Variants in RCAN2 observed in about 807,000 individuals in gnomAD.
The protein encoded by RCAN2 is regulator of calcineurin 2.
A neutral mutation model predicts 23.6 loss-of-function variants in RCAN2; 9 were observed. That is an observed-to-expected ratio of 0.38 (90% CI 0.23 to 0.67). The LOEUF is 0.67. Ranked by LOEUF, RCAN2 falls within the 30% of genes least tolerant of loss-of-function variation. The pLI is 0.51. For missense variants in RCAN2, 273 were observed against 302.3 expected (o/e 0.90, Z 0.72); for synonymous variants, 109 against 115.7 (o/e 0.94, Z 0.37).
At chr6:46,348,443 T>C (rs1764552076) in intron 2 of RCAN2, among the ~76,000 whole-genome samples, 1 of 152,114 alleles carries the variant, frequency 6.6e-6, no homozygotes, top group Non-Finnish European at 1.5e-5. Flanking sequence ...TCCAAGCACA[T>C]TTTGAGGAGC....
At chr6:46,336,062 T>C (rs898731919) in intron 2 of RCAN2, among the ~76,000 whole-genome samples, 4 of 152,364 alleles carry the variant, frequency 2.6e-5, no homozygotes, top group African/African-American at 7.2e-5. Context: ...ATTTCTGCTA[T>C]ACAAACTTGT....
chr6:46,243,821 A>AAC (rs1412250913), intron 4 of RCAN2, among the ~76,000 whole-genome samples: 3 of 150,818 alleles, frequency 2.0e-5, no homozygotes, highest in African/African-American at 7.3e-5. Flanking sequence ...AAAAAAAAAA[A>AAC]AAAAAAAAAA....
At chr6:46,359,332 G>C (rs1162112152) in intron 2 of RCAN2, among the ~76,000 whole-genome samples, 1 of 152,196 alleles carries the variant, frequency 6.6e-6, no homozygotes, top group Admixed American at 6.5e-5. Context: ...CGACAGTTCC[G>C]GTGTGATACA....
intron 4 of RCAN2, among the ~76,000 whole-genome samples, chr6:46,227,139 A>C (rs953404880): frequency 2.0e-5 from 3 of 152,178 alleles, no homozygotes; most frequent in Non-Finnish European, 2.9e-5. Context: ...GATGAAGCCC[A>C]CTTGATCATG....
chr6:46,292,440 T>TTTTTTTTTTTTTG (rs1561845746), intron 2 of RCAN2, among the ~76,000 whole-genome samples: 1 of 137,384 alleles, frequency 7.3e-6, no homozygotes, highest in Non-Finnish European at 1.5e-5. Context: ...TTTTTTTTGT[T>TTTTTTTTTTTTTG]TTTTTTTTTG....
intron 2 of RCAN2, among the ~76,000 whole-genome samples, chr6:46,307,356 C>G (rs1053508174): frequency 6.6e-6 from 1 of 152,102 alleles, no homozygotes; most frequent in African/African-American, 2.4e-5. Flanking sequence ...CAAAGATCAG[C>G]TAAGCCTCTG....
At position 46,456,756 on chromosome 6, in the gene RCAN2, C is replaced by T; in HGVS notation, c.221G>A (p.Ser74Asn). Residue 74 changes from serine (S) to asparagine (N), a missense_variant, in exon 2 of 5, where the codon AGC (serine) becomes AAC (asparagine). Transcript: ENST00000371374. ...VHQSVFEGEE[S>N]KEKFEGLFRT... ...GAACAGAAAAAGGCAGCTTACCTTG[C>T]TCTCTTCTCCTTCAAACACTGACTG... is the stretch of plus-strand genomic sequence containing the variant. 1.3e-6 allele frequency: 2 copies of T among 1,549,320 alleles called. No individual in the cohort carries two copies. The highest frequency in any genetic ancestry group is 1.7e-6 in the Non-Finnish European group (2 of 1,145,550).
In RCAN2 at chr6:46,418,157, T is replaced by C. The variant is rs147601959; in HGVS notation, c.225+38595A>G. Among the ~76,000 whole-genome samples the C allele has an allele frequency of 3.5e-3, 536 of 152,306 alleles. 3 individuals are homozygous for C. The highest frequency in any genetic ancestry group is 0.012 in the African/African-American group (506 of 41,554). On this transcript the variant is annotated intron_variant, in intron 2 of 4. Transcript: ENST00000371374. ...GTAATATAACATTATCTTAACAAAA[T>C]ATCTTATACTTTAGGTATCTAACGT...
intron 4 of RCAN2, among the ~76,000 whole-genome samples, chr6:46,229,026 T>A (rs1199505588): frequency 6.6e-6 from 1 of 152,200 alleles, no homozygotes; most frequent in Admixed American, 6.5e-5. Context: ...CCTTCACTTA[T>A]GAAGCTTAGT....
intron 2 of RCAN2, among the ~76,000 whole-genome samples, chr6:46,251,699 C>A (rs1380766632): frequency 6.6e-6 from 1 of 152,116 alleles, no homozygotes; most frequent in African/African-American, 2.4e-5. Flanking sequence ...AGCAAAGAAT[C>A]AAGGACTCCA....
chr6:46,329,595 A>T (rs975570803), intron 2 of RCAN2, among the ~76,000 whole-genome samples: 1 of 152,102 alleles, frequency 6.6e-6, no homozygotes, highest in Non-Finnish European at 1.5e-5. Context: ...AAACCAATAG[A>T]GGTGCCTCCT....
intron 2 of RCAN2, among the ~76,000 whole-genome samples, chr6:46,332,610 T>A (rs1452789193): frequency 2.0e-5 from 3 of 152,174 alleles, no homozygotes; most frequent in Non-Finnish European, 4.4e-5. Context: ...ATTTCCAATT[T>A]CATCCATGTC....
chr6:46,445,551 A>G (rs1767681816), intron 2 of RCAN2, among the ~76,000 whole-genome samples: 1 of 152,242 alleles, frequency 6.6e-6, no homozygotes, highest in African/African-American at 2.4e-5. Context: ...GGGAAACGTG[A>G]CAGCATCAAA....
At chr6:46,457,316 T>C (rs1198118195) in intron 1 of RCAN2, among the ~76,000 whole-genome samples, 1 of 152,240 alleles carries the variant, frequency 6.6e-6, no homozygotes, top group Non-Finnish European at 1.5e-5. Flanking sequence ...AAATGATTTA[T>C]ATAAATTTAG....
chr6:46,342,752 T>C (rs148500021), intron 2 of RCAN2, among the ~76,000 whole-genome samples: 2,653 of 151,824 alleles, frequency 0.017, 60 homozygotes, highest in South Asian at 0.12. Flanking sequence ...GAATTTGCCA[T>C]AGAGAGGCAT....
intron 2 of RCAN2, among the ~76,000 whole-genome samples, chr6:46,419,786 C>A (rs1056678329): frequency 1.3e-5 from 2 of 152,132 alleles, no homozygotes; most frequent in Admixed American, 1.3e-4. Flanking sequence ...GTCTTCAAAC[C>A]ATTTTGGCTG....
intron 2 of RCAN2, among the ~76,000 whole-genome samples, chr6:46,436,669 G>C (rs560245459): frequency 6.6e-6 from 1 of 152,194 alleles, no homozygotes; most frequent in Non-Finnish European, 1.5e-5. Flanking sequence ...GGTCAATACT[G>C]TTACTTGATG....
chr6:46,300,401 A>G (rs1303514289), intron 2 of RCAN2, among the ~76,000 whole-genome samples: 2 of 151,992 alleles, frequency 1.3e-5, no homozygotes, highest in East Asian at 1.9e-4. Flanking sequence ...TCATAAAAGG[A>G]TGGAGTGACT....
chr6:46,399,787 G>A (rs1332857290), intron 2 of RCAN2, among the ~76,000 whole-genome samples: 1 of 151,900 alleles, frequency 6.6e-6, no homozygotes, highest in African/African-American at 2.4e-5. Context: ...ACTTGTCATT[G>A]GATTTAGGGA....
Sources: gnomAD v4.1 joint callset for allele counts (sites outside exome capture counted in the v4.1 genomes callset) on GRCh38, gnomAD v4.1.1 for gene constraint, MANE v1.5 for transcripts, NCBI Gene and HGNC (gene_info 2026-07-23, HGNC 2026-07-21) for gene names.